Variants in ENTREP2 observed in about 807,000 individuals in gnomAD.
The protein encoded by ENTREP2 is protein ENTREP2.
the ENTREP2 span, among the ~76,000 whole-genome samples, chr15:29,406,552 A>G: frequency 6.6e-6 from 1 of 151,964 alleles, no homozygotes; most frequent in African/African-American, 2.4e-5. Context: ...TGTTTCAAAA[A>G]TTAAAAAAAA....
the ENTREP2 span, chr15:29,452,776 G>GT: frequency 6.7e-6 from 1 of 149,158 alleles, no homozygotes; most frequent in Non-Finnish European, 1.5e-5. Flanking sequence ...TATTTAACTG[G>GT]TGTCTCAACA....
At chr15:29,349,242 T>A in the ENTREP2 span, among the ~76,000 whole-genome samples, 1 of 151,820 alleles carries the variant, frequency 6.6e-6, no homozygotes, top group Non-Finnish European at 1.5e-5. Flanking sequence ...TTACTCGCAT[T>A]AAAAAAAATA....
the ENTREP2 span, chr15:29,269,313 G>A: frequency 6.2e-7 from 1 of 1,614,178 alleles, no homozygotes; most frequent in Non-Finnish European, 8.5e-7. Context: ...GGAGGCGCTC[G>A]GCGGCCCGTT....
chr15:29,195,413 C>T, the ENTREP2 span: 1 of 683,436 alleles, frequency 1.5e-6, no homozygotes, highest in African/African-American at 1.9e-5. Context: ...AGTTTCCCAT[C>T]CCCTGCATAC....
At chr15:29,171,083 C>G in the ENTREP2 span, among the ~76,000 whole-genome samples, 2 of 152,108 alleles carry the variant, frequency 1.3e-5, no homozygotes, top group Non-Finnish European at 2.9e-5. Flanking sequence ...CATAACTAAC[C>G]TCTCCCATGC....
chr15:29,226,031 C>T, the ENTREP2 span, among the ~76,000 whole-genome samples: 10 of 152,306 alleles, frequency 6.6e-5, no homozygotes, highest in South Asian at 2.1e-3. Context: ...TCTTTGGAGC[C>T]CGAGCTGCTC....
At chr15:29,540,130 C>T in the ENTREP2 span, among the ~76,000 whole-genome samples, 2 of 152,262 alleles carry the variant, frequency 1.3e-5, no homozygotes, top group East Asian at 3.9e-4. Flanking sequence ...CCCTTATCCA[C>T]AGTCTTCCAG....
At chr15:29,126,410 C>T in the ENTREP2 span, 3 of 1,549,096 alleles carry the variant, frequency 1.9e-6, no homozygotes, top group Non-Finnish European at 2.6e-6. Flanking sequence ...TGCTGGGGCG[C>T]CCACAGGGCC....
At chr15:29,381,986 A>T in the ENTREP2 span, among the ~76,000 whole-genome samples, 6 of 152,112 alleles carry the variant, frequency 3.9e-5, no homozygotes, top group African/African-American at 1.4e-4. Flanking sequence ...CACAGCTTGC[A>T]CCCACTCTGA....
chr15:29,319,206 C>T, the ENTREP2 span, among the ~76,000 whole-genome samples: 215 of 152,260 alleles, frequency 1.4e-3, no homozygotes, highest in African/African-American at 5.0e-3. Context: ...TTCAGATGAA[C>T]GGAAATCTGA....
At chr15:29,634,780 G>C in the ENTREP2 span, among the ~76,000 whole-genome samples, 3 of 152,294 alleles carry the variant, frequency 2.0e-5, no homozygotes, top group Non-Finnish European at 4.4e-5. Context: ...TAATTTGCTG[G>C]AGCAGCTCAC....
chr15:29,639,550 C>G, the ENTREP2 span, among the ~76,000 whole-genome samples: 5 of 152,186 alleles, frequency 3.3e-5, no homozygotes, highest in South Asian at 1.0e-3. Flanking sequence ...GCAGTTCTTA[C>G]AGATAAATTT....
At chr15:29,214,443 AAAAC>A in the ENTREP2 span, among the ~76,000 whole-genome samples, 2 of 152,216 alleles carry the variant, frequency 1.3e-5, no homozygotes, top group African/African-American at 2.4e-5. Context: ...CAAGGACAAA[AAAAC>A]AAACACCGCA....
chr15:29,656,957 C>T, the ENTREP2 span, among the ~76,000 whole-genome samples: 2 of 152,188 alleles, frequency 1.3e-5, no homozygotes, highest in Non-Finnish European at 2.9e-5. Flanking sequence ...ATTTCCCTCA[C>T]CTTGTGATTA....
the ENTREP2 span, among the ~76,000 whole-genome samples, chr15:29,312,375 G>A: frequency 6.6e-6 from 1 of 151,786 alleles, no homozygotes. Flanking sequence ...AAAGCTGGTT[G>A]TATAATAAAT....
At chr15:29,533,397 G>C in the ENTREP2 span, among the ~76,000 whole-genome samples, 1 of 152,216 alleles carries the variant, frequency 6.6e-6, no homozygotes, top group South Asian at 2.1e-4. Context: ...GCAATGGTGG[G>C]ATGAAGGGGG....
the ENTREP2 span, among the ~76,000 whole-genome samples, chr15:29,477,675 G>A: frequency 1.3e-5 from 2 of 152,110 alleles, no homozygotes; most frequent in Non-Finnish European, 2.9e-5. Flanking sequence ...AGGGGACCCT[G>A]TCCATCTCAG....
At chr15:29,487,369 G>A in the ENTREP2 span, among the ~76,000 whole-genome samples, 50 of 152,228 alleles carry the variant, frequency 3.3e-4, no homozygotes, top group Middle Eastern at 6.8e-3. Flanking sequence ...GCTGTAAAAA[G>A]CCAGGCTAAG....
the ENTREP2 span, among the ~76,000 whole-genome samples, chr15:29,331,645 G>A: frequency 6.6e-6 from 1 of 152,316 alleles, no homozygotes; most frequent in East Asian, 1.9e-4. Flanking sequence ...CCGATATTCA[G>A]CAATGACAGC....
Sources: gnomAD v4.1 joint callset for allele counts (sites outside exome capture counted in the v4.1 genomes callset) on GRCh38, gnomAD v4.1.1 for gene constraint, MANE v1.5 for transcripts, NCBI Gene and HGNC (gene_info 2026-07-23, HGNC 2026-07-21) for gene names.